Variants in FIGN observed in about 807,000 individuals in gnomAD.
FIGN encodes fidgetin.
A neutral mutation model predicts 51.3 loss-of-function variants in FIGN; 11 were observed. The observed-to-expected ratio is 0.21, with a 90% CI of 0.13 to 0.35. The LOEUF is 0.35. Among genes scored for constraint, FIGN ranks in the 10% least tolerant of loss-of-function variants. The pLI is 1.00. For missense variants in FIGN, 857 were observed against 943.6 expected (o/e 0.91, Z 1.20); for synonymous variants, 407 against 363.2 (o/e 1.12, Z -1.37).
chr2:163,707,680 C>T (rs1684522344), intron 2 of FIGN, among the ~76,000 whole-genome samples: 1 of 151,946 alleles, frequency 6.6e-6, no homozygotes, highest in Non-Finnish European at 1.5e-5. Flanking sequence ...CCCTAATTTT[C>T]AAACAACTTG....
intron 2 of FIGN, among the ~76,000 whole-genome samples, chr2:163,670,336 C>A (rs902531690): frequency 3.9e-5 from 6 of 151,976 alleles, no homozygotes; most frequent in Non-Finnish European, 7.4e-5. Flanking sequence ...AAAAAACAAA[C>A]CCCCCACAAC....
chr2:163,722,778 TAAC>T (rs1684778226), intron 2 of FIGN, among the ~76,000 whole-genome samples: 1 of 152,024 alleles, frequency 6.6e-6, no homozygotes, highest in Non-Finnish European at 1.5e-5. Context: ...TCTTTGGTAA[TAAC>T]ATTATATAAA....
At chr2:163,651,291 T>C (rs1224059720) in intron 2 of FIGN, among the ~76,000 whole-genome samples, 1 of 151,938 alleles carries the variant, frequency 6.6e-6, no homozygotes, top group African/African-American at 2.4e-5. Flanking sequence ...TGAAACCCCG[T>C]CTCTACTAAA....
In FIGN at chr2:163,609,758, C is replaced by G. The variant is rs780883230; in HGVS notation, c.2074G>C (p.Asp692His). ...GCTTCCTGACACAAATGAGCCACATCTAGTCCAGAAAAGCCTTCTGTGCGC... is the reference window on the plus strand; with the variant it reads ...GCTTCCTGACACAAATGAGCCACATGTAGTCCAGAAAAGCCTTCTGTGCGC... ...VQRTEGFSGL[D>H]VAHLCQEAVV... The change falls in exon 3 of 3, where the codon GAT becomes CAT. Residue 692 changes from aspartate (D) to histidine (H), a missense_variant. Physicochemically the swap from Asp to His is moderately conservative, Grantham distance 81. Around this residue, in one of 3 missense-constraint regions of FIGN, gnomAD observed 799 missense variants for 849.5 expected, o/e 0.94. Coordinates refer to ENST00000333129, the MANE Select transcript of FIGN (RefSeq NM_018086.4). The G allele has an allele frequency of 5.3e-5, 86 of 1,614,154 alleles. No homozygotes were observed. The East Asian group carries it at 1.9e-3, about 35-fold the overall frequency.
At chr2:163,724,095 A>C (rs1223598188) in intron 2 of FIGN, among the ~76,000 whole-genome samples, 1 of 152,172 alleles carries the variant, frequency 6.6e-6, no homozygotes, top group Non-Finnish European at 1.5e-5. Flanking sequence ...GATCACCTCA[A>C]TCATCTCTTC....
At chr2:163,612,379 C>A (rs535491500) in intron 2 of FIGN, 8 of 985,336 alleles carry the variant, frequency 8.1e-6, no homozygotes, top group South Asian at 4.7e-5. Context: ...ATGCTCCCTG[C>A]GCAGAACAAT....
At chr2:163,713,854 A>G (rs980807289) in intron 2 of FIGN, among the ~76,000 whole-genome samples, 3 of 152,098 alleles carry the variant, frequency 2.0e-5, no homozygotes, top group African/African-American at 7.2e-5. Flanking sequence ...AGAGGGGGGA[A>G]AAAAGAAAAT....
At chr2:163,638,957 C>T (rs1282531152) in intron 2 of FIGN, among the ~76,000 whole-genome samples, 1 of 152,004 alleles carries the variant, frequency 6.6e-6, no homozygotes, top group East Asian at 1.9e-4. Context: ...TATTAAACAG[C>T]ATTAAACCCC....
At chr2:163,660,820 C>CATATATATGTATACATATATACAT (rs1335057758) in intron 2 of FIGN, among the ~76,000 whole-genome samples, 1 of 40,458 alleles carries the variant, frequency 2.5e-5, no homozygotes, top group African/African-American at 8.0e-5. Flanking sequence ...TATACATATA[C>CATATATATGTATACATATATACAT]ATATATATGT....
At position 163,666,765 on chromosome 2, in the gene FIGN, GC is replaced by G. The variant is rs79469178; in HGVS notation, c.26-54960del. The stretch of plus-strand genomic sequence containing the variant: ...AGGATGACAGAAATGAGGACACAAA[GC>G]CTCAAAGAAGTACCATAATCACACA... On this transcript the variant is annotated intron_variant, in intron 2 of 2. Coordinates refer to ENST00000333129, the MANE Select transcript of FIGN (RefSeq NM_018086.4). Among the ~76,000 whole-genome samples, 861 of 152,098 alleles carry G rather than the reference GC, an allele frequency of 5.7e-3. 53 individuals are homozygous for G. The East Asian group carries it at 0.14, about 24-fold the overall frequency.
At chr2:163,645,277 CG>C (rs2105318647) in intron 2 of FIGN, among the ~76,000 whole-genome samples, 1 of 152,002 alleles carries the variant, frequency 6.6e-6, no homozygotes, top group East Asian at 1.9e-4. Context: ...ATCATGAAAG[CG>C]GAATGTAATA....
chr2:163,657,500 C>CTGTGTG (rs72033079), intron 2 of FIGN, among the ~76,000 whole-genome samples: 16,067 of 147,376 alleles, frequency 0.11, 959 homozygotes, highest in East Asian at 0.16. Flanking sequence ...CAGAGGGAGT[C>CTGTGTG]TGTGTGTGTG....
chr2:163,669,017 T>TAC (rs752350348), intron 2 of FIGN, among the ~76,000 whole-genome samples: 3 of 143,418 alleles, frequency 2.1e-5, no homozygotes, highest in African/African-American at 7.8e-5. Flanking sequence ...AAAAAAGGAA[T>TAC]ATATATATAT....
chr2:163,706,609 T>C (rs1414555424), intron 2 of FIGN, among the ~76,000 whole-genome samples: 1 of 152,188 alleles, frequency 6.6e-6, no homozygotes, highest in Non-Finnish European at 1.5e-5. Context: ...GAAACTAAAG[T>C]ATACTGATTA....
intron 2 of FIGN, among the ~76,000 whole-genome samples, chr2:163,688,076 A>T (rs1442932204): frequency 6.6e-6 from 1 of 152,242 alleles, no homozygotes; most frequent in Non-Finnish European, 1.5e-5. Context: ...GCCAGAAAAT[A>T]CCAAAGCACA....
intron 2 of FIGN, among the ~76,000 whole-genome samples, chr2:163,665,027 A>G (rs1038709070): frequency 1.3e-5 from 2 of 152,214 alleles, no homozygotes; most frequent in African/African-American, 4.8e-5. Context: ...AAGATAATTG[A>G]TTATTTGCCA....
chr2:163,714,502 T>A (rs1288009907), intron 2 of FIGN, among the ~76,000 whole-genome samples: 1 of 152,178 alleles, frequency 6.6e-6, no homozygotes, highest in Non-Finnish European at 1.5e-5. Context: ...TTACCCTAAC[T>A]AACCTGTTCA....
chr2:163,610,308 C>T lies in FIGN; in HGVS notation c.1524G>A (p.Arg508=). 6.2e-7 allele frequency: 1 copy of T among 1,614,164 alleles called. No homozygotes were observed. Among genetic ancestry groups the T allele is most frequent in the Non-Finnish European group, 8.5e-7 (1 of 1,180,028 alleles). The change falls in exon 3 of 3, where the codon AGG becomes AGA. Residue 508 remains arginine, a synonymous_variant. Coordinates refer to ENST00000333129, the MANE Select transcript of FIGN (RefSeq NM_018086.4). The part of the protein sequence containing the change: ...IKEEVLWPVL[R]SDAFSGLTAL... ...CCGTCAGTCCACTGAACGCGTCTGA[C>T]CTCAACACTGGCCATAAAACCTCCT...
chr2:163,651,646 T>A (rs1335114452), intron 2 of FIGN, among the ~76,000 whole-genome samples: 1 of 152,174 alleles, frequency 6.6e-6, no homozygotes, highest in Non-Finnish European at 1.5e-5. Flanking sequence ...AAATGAGAGC[T>A]AACCTTTATT....
Sources: gnomAD v4.1 joint callset for allele counts (sites outside exome capture counted in the v4.1 genomes callset) on GRCh38, gnomAD v4.1.1 for gene constraint, gnomAD v4.1.1 regional missense constraint, MANE v1.5 for transcripts, NCBI Gene and HGNC (gene_info 2026-07-23, HGNC 2026-07-21) for gene names.